The following C1orf87 variants were observed in gnomAD, a reference collection of about 807,000 sequenced individuals.
The protein encoded by C1orf87 is chromosome 1 open reading frame 87.
Under a neutral mutation model 60.5 loss-of-function variants are expected in C1orf87, and 58 were observed. That is an observed-to-expected ratio of 0.96 (90% CI 0.78 to 1.19). The LOEUF is 1.19. Ranked by LOEUF, C1orf87 falls within the 50% of genes most tolerant of loss-of-function variation. The pLI is 0.00. For synonymous variants in C1orf87, 236 were observed against 227.4 expected (o/e 1.04, Z -0.34); for missense variants, 673 against 638.6 (o/e 1.05, Z -0.58).
chr1:60,061,807 T>A (rs1280433461), intron 2 of C1orf87, among the ~76,000 whole-genome samples: 3 of 102,386 alleles, frequency 2.9e-5, no homozygotes, highest in South Asian at 3.2e-4. Flanking sequence ...AAAAAATAGC[T>A]GGGCTTTGTG....
chr1:60,046,977 A>G (rs549798541), intron 3 of C1orf87, among the ~76,000 whole-genome samples: 3 of 152,340 alleles, frequency 2.0e-5, no homozygotes, highest in Middle Eastern at 3.4e-3. Context: ...TGTAGGTGGT[A>G]TATTTTCCTA....
At chr1:60,055,180 A>T in intron 3 of C1orf87, 24 bp downstream of exon 3, 2 of 1,546,396 alleles carry the variant, frequency 1.3e-6, no homozygotes, top group Non-Finnish European at 1.8e-6. Context: ...ATCAAGATAA[A>T]CGTGGGTATT....
intron 3 of C1orf87, among the ~76,000 whole-genome samples, chr1:60,050,293 A>G (rs624303): frequency 0.77 from 117,652 of 151,948 alleles, 46,237 homozygotes; most frequent in South Asian, 0.85. Context: ...CTACCCTTGT[A>G]TCTTTCTGGA....
intron 7 of C1orf87, among the ~76,000 whole-genome samples, chr1:60,032,432 G>GTTTTTTTTTTTTTT (rs11376932): frequency 2.3e-5 from 2 of 88,558 alleles, no homozygotes; most frequent in African/African-American, 4.6e-5. Flanking sequence ...TGAGACTCAG[G>GTTTTTTTTTTTTTT]TTTTTTTTTT....
rs117499538 is a variant in C1orf87 at position 60,041,742 on chromosome 1, C to T, written c.343-611G>A. Among the ~76,000 whole-genome samples, 10 of 152,248 alleles carry T rather than the reference C, an allele frequency of 6.6e-5. No individual in the cohort carries two copies. The East Asian group carries it at 1.7e-3, about 26-fold the overall frequency. The stretch of plus-strand genomic sequence containing the variant: ...TTGCTGGCTGGGGGGACTGCCCCTC[C>T]CAGGACTAGCTAATTCCTAGAGATG... On this transcript the variant is annotated intron_variant, in intron 3 of 11. Coordinates refer to ENST00000371201, the MANE Select transcript of C1orf87 (RefSeq NM_152377.3).
intron 2 of C1orf87, among the ~76,000 whole-genome samples, chr1:60,063,914 G>C (rs1164490362): frequency 6.6e-6 from 1 of 152,048 alleles, no homozygotes; most frequent in South Asian, 2.1e-4. Context: ...TATTGATCCT[G>C]GGTGTGTCTG....
At chr1:60,052,219 A>T (rs1402519479) in intron 3 of C1orf87, among the ~76,000 whole-genome samples, 1 of 152,254 alleles carries the variant, frequency 6.6e-6, no homozygotes, top group Non-Finnish European at 1.5e-5. Context: ...TGCAAAAAGC[A>T]CACTACAATT....
At chr1:60,021,512 G>GT (rs1167263486) in intron 8 of C1orf87, among the ~76,000 whole-genome samples, 1 of 152,114 alleles carries the variant, frequency 6.6e-6, no homozygotes, top group African/African-American at 2.4e-5. Context: ...AAGAATTTAC[G>GT]TATCTGCATC....
chr1:60,017,907 G>A (rs965837807), intron 8 of C1orf87, among the ~76,000 whole-genome samples: 1 of 152,134 alleles, frequency 6.6e-6, no homozygotes, highest in Non-Finnish European at 1.5e-5. Context: ...TTGTGAAATT[G>A]CTCCTCTCAT....
chr1:60,031,128 CA>C (rs1334182252), intron 7 of C1orf87, among the ~76,000 whole-genome samples: 1 of 152,090 alleles, frequency 6.6e-6, no homozygotes, highest in African/African-American at 2.4e-5. Flanking sequence ...ACAACCCCCA[CA>C]AAAAACCCCT....
Position 59,990,766 on chromosome 1 carries a change from C to T in C1orf87, c.1548G>A (p.Leu516=). ...HNYNLIYNLS[L]SPQKIDQALR... is the part of the protein sequence containing the mutation. ...AGGCCTGGTCGATTTTCTGAGGGCTCAGGGACAGGTTGTAAATGAGATTGT... is the reference window on the plus strand; with the variant it reads ...AGGCCTGGTCGATTTTCTGAGGGCTTAGGGACAGGTTGTAAATGAGATTGT... The change falls in exon 12 of 12, where the codon CTG becomes CTA. Residue 516 remains leucine (L), a synonymous_variant. Coordinates refer to ENST00000371201, the MANE Select transcript of C1orf87 (RefSeq NM_152377.3). 1 of 1,614,054 alleles carries T rather than the reference C, an allele frequency of 6.2e-7. No homozygotes were observed. The highest frequency in any genetic ancestry group is 1.1e-5 in the South Asian group (1 of 91,078).
At chr1:60,008,891 G>T in intron 9 of C1orf87, 1 of 346,876 alleles carries the variant, frequency 2.9e-6, no homozygotes, top group Non-Finnish European at 5.7e-6. Flanking sequence ...TGGCATTTCC[G>T]TGGAGACCCT....
chr1:60,045,936 C>T (rs930475889), intron 3 of C1orf87, among the ~76,000 whole-genome samples: 19 of 152,130 alleles, frequency 1.2e-4, no homozygotes, highest in Admixed American at 6.5e-5. Flanking sequence ...AGTAATTCCT[C>T]GATATCTTCA....
intron 9 of C1orf87, among the ~76,000 whole-genome samples, chr1:60,006,612 CTT>C (rs1398068607): frequency 6.6e-6 from 1 of 151,590 alleles, no homozygotes; most frequent in African/African-American, 2.4e-5. Context: ...TCCTCTTCTT[CTT>C]CTCTCTTGTT....
intron 8 of C1orf87, among the ~76,000 whole-genome samples, chr1:60,017,185 T>C (rs1411699215): frequency 6.6e-6 from 1 of 152,226 alleles, no homozygotes; most frequent in Non-Finnish European, 1.5e-5. Flanking sequence ...AAAGCACTTA[T>C]TATTATTTTC....
chr1:60,012,395 T>A (rs602488), intron 8 of C1orf87, among the ~76,000 whole-genome samples: 57,045 of 151,870 alleles, frequency 0.38, 11,270 homozygotes, highest in South Asian at 0.56. Flanking sequence ...GGAAGCAGAT[T>A]GAGGGAAATT....
chr1:60,042,818 C>G (rs1227076801), intron 3 of C1orf87, among the ~76,000 whole-genome samples: 1 of 152,200 alleles, frequency 6.6e-6, no homozygotes, highest in Non-Finnish European at 1.5e-5. Flanking sequence ...AAAACAGACT[C>G]AGCCCCTGCT....
At chr1:60,072,395 C>T (rs1464502597) in intron 2 of C1orf87, 142 bp downstream of exon 2, 9 of 586,408 alleles carry the variant, frequency 1.5e-5, no homozygotes, top group South Asian at 4.5e-5. Flanking sequence ...GTTATCAACA[C>T]GATTTTACCT....
intron 8 of C1orf87, among the ~76,000 whole-genome samples, chr1:60,013,116 A>G (rs901227952): frequency 2.0e-5 from 3 of 152,012 alleles, no homozygotes; most frequent in Non-Finnish European, 4.4e-5. Flanking sequence ...ATGTGAATAC[A>G]TTTTTTCTTA....
Sources: gnomAD v4.1 joint callset for allele counts (sites outside exome capture counted in the v4.1 genomes callset) on GRCh38, gnomAD v4.1.1 for gene constraint, MANE v1.5 for transcripts, NCBI Gene and HGNC (gene_info 2026-07-23, HGNC 2026-07-21) for gene names.